Variants in CRYBG3 observed in about 807,000 individuals in gnomAD.
CRYBG3 encodes crystallin beta-gamma domain containing 3.
Under a neutral mutation model 244.2 loss-of-function variants are expected in CRYBG3, and 127 were observed. The ratio of observed to expected loss-of-function variants is 0.52; its 90% confidence interval spans 0.45 to 0.60. The LOEUF (loss-of-function observed/expected upper bound fraction) is 0.60. CRYBG3 is among the 20% of genes least tolerant of loss of function. The probability of loss-of-function intolerance (pLI) is 0.00; values close to 1 mark genes in which losing one functional copy is unlikely to be tolerated. For missense variants in CRYBG3, 3,325 were observed against 3,442.5 expected (o/e 0.97, Z 0.85); for synonymous variants, 1,132 against 1,195.8 (o/e 0.95, Z 1.10).
intron 1 of CRYBG3, among the ~76,000 whole-genome samples, chr3:97,822,606 C>G (rs532761007): frequency 2.0e-5 from 3 of 152,366 alleles, no homozygotes; most frequent in East Asian, 3.9e-4. Context: ...TCCCCCGATC[C>G]CCGCCTGGCT....
At chr3:97,857,906 G>T (rs1328871030) in intron 2 of CRYBG3, among the ~76,000 whole-genome samples, 1 of 151,742 alleles carries the variant, frequency 6.6e-6, no homozygotes, top group Non-Finnish European at 1.5e-5. Context: ...CTTTCTTATG[G>T]TTTATCTTTG....
intron 18 of CRYBG3, among the ~76,000 whole-genome samples, chr3:97,936,438 A>G (rs1466964127): frequency 6.6e-6 from 1 of 152,066 alleles, no homozygotes; most frequent in Non-Finnish European, 1.5e-5. Context: ...CTCTAGGGGC[A>G]GGAGTGTGAT....
At chr3:97,914,967 G>A (rs1559742609) in intron 16 of CRYBG3, among the ~76,000 whole-genome samples, 1 of 152,052 alleles carries the variant, frequency 6.6e-6, no homozygotes, top group Non-Finnish European at 1.5e-5. Flanking sequence ...GATGAATGCT[G>A]TATTGAAGAT....
At chr3:97,854,537 T>A (rs1416761746) in intron 2 of CRYBG3, among the ~76,000 whole-genome samples, 1 of 152,112 alleles carries the variant, frequency 6.6e-6, no homozygotes, top group East Asian at 1.9e-4. Context: ...AGCAGTGTTT[T>A]GTAGTTTTCT....
rs1363679064 is a variant in CRYBG3, at chr3:97,877,782, A to G, written c.6588A>G (p.Ser2196=). The stretch of plus-strand genomic sequence containing the variant: ...AGAGCGTTGGAATTTCTAAGAATTC[A>G]TATGTGATGCCAAATGAACCTACTA... ...DQESVGISKN[S]YVMPNEPTTS... Residue 2196 remains serine (S), a synonymous_variant, in exon 4 of 22, where the codon TCA becomes TCG. Transcript: ENST00000389622. 6.2e-7 allele frequency: 1 copy of G among 1,614,022 alleles called. No homozygotes were observed. The highest frequency in any genetic ancestry group is 8.5e-7 in the Non-Finnish European group (1 of 1,180,016).
chr3:97,934,786 A>G (rs2040141304), intron 18 of CRYBG3, among the ~76,000 whole-genome samples: 1 of 152,094 alleles, frequency 6.6e-6, no homozygotes. Flanking sequence ...TAAGCATAAG[A>G]TTCCAATATA....
chr3:97,904,744 T>A (rs896980606), intron 15 of CRYBG3, among the ~76,000 whole-genome samples: 2 of 151,414 alleles, frequency 1.3e-5, no homozygotes, highest in Non-Finnish European at 2.9e-5. Context: ...ATCTTTTTTT[T>A]ATTATTATTA....
chr3:97,941,429 A>G, intron 20 of CRYBG3, 123 bp downstream of exon 20: 1 of 617,776 alleles, frequency 1.6e-6, no homozygotes, highest in Non-Finnish European at 2.7e-6. Flanking sequence ...GGTGTTGATT[A>G]TAAAAATACT....
chr3:97,885,175 G>T (rs1017337086), intron 7 of CRYBG3, among the ~76,000 whole-genome samples: 5 of 152,034 alleles, frequency 3.3e-5, no homozygotes, highest in Non-Finnish European at 5.9e-5. Flanking sequence ...TACTTTAAAG[G>T]ATATTTTAGA....
chr3:97,874,603 T>A lies in CRYBG3; in HGVS notation c.3409T>A (p.Ser1137Thr). The change falls in exon 4 of 22, where the codon TCC (serine) becomes ACC (threonine). Residue 1137 changes from serine to threonine, a missense_variant. By Grantham distance (58) the Ser-to-Thr change is moderately conservative. Around this residue, in one of 4 missense-constraint regions of CRYBG3, gnomAD observed 1,526 missense variants for 1,443.2 expected, o/e 1.06. Transcript: ENST00000389622. The part of the protein sequence containing the change: ...EHFGIYTGKI[S>T]IDFPTAAQFD... The stretch of plus-strand genomic sequence containing the variant: ...TTTTGGGATTTATACTGGGAAGATA[T>A]CCATTGATTTCCCAACTGCTGCCCA... 2 of 1,536,004 alleles carry A rather than the reference T, an allele frequency of 1.3e-6. No homozygotes were observed. The highest frequency in any genetic ancestry group is 1.7e-6 in the Non-Finnish European group (2 of 1,146,838).
intron 2 of CRYBG3, among the ~76,000 whole-genome samples, chr3:97,846,970 C>T (rs1048837804): frequency 9.2e-5 from 14 of 152,206 alleles, no homozygotes; most frequent in Non-Finnish European, 1.6e-4. Flanking sequence ...ATGGCACCAA[C>T]ATCTGCTCGG....
chr3:97,943,456 A>T lies in CRYBG3; in HGVS notation c.*142A>T. 4.8e-6 allele frequency: 3 copies of T among 625,400 alleles called. No individual in the cohort carries two copies. The highest frequency in any genetic ancestry group is 8.4e-6 in the Non-Finnish European group (3 of 357,274). The allele number at this position is 625,400 out of a possible 1,614,324, so 38.7% of individuals were successfully genotyped here. A position where few individuals can be genotyped will look rare whatever the true frequency, so the allele number is the denominator to read the frequency against. On this transcript the variant is annotated 3_prime_UTR_variant, in exon 22 of 22. Coordinates refer to ENST00000389622, the MANE Select transcript of CRYBG3 (RefSeq NM_153605.4). ...GAATGAACATTTTCTCCAGCCTCTGAGACTATCGCTCTTAACCATGGAAAA... is the reference window on the plus strand; with the variant it reads ...GAATGAACATTTTCTCCAGCCTCTGTGACTATCGCTCTTAACCATGGAAAA...
chr3:97,829,450 T>G (rs1478467647), intron 1 of CRYBG3, among the ~76,000 whole-genome samples: 1 of 152,190 alleles, frequency 6.6e-6, no homozygotes, highest in East Asian at 1.9e-4. Flanking sequence ...GTTATTAACC[T>G]CAGAGTCTTT....
At chr3:97,837,775 A>G (rs548595093) in intron 1 of CRYBG3, among the ~76,000 whole-genome samples, 12 of 152,270 alleles carry the variant, frequency 7.9e-5, no homozygotes, top group Admixed American at 3.3e-4. Context: ...CCTCTCTCGA[A>G]ATGGCAAGAA....
intron 15 of CRYBG3, among the ~76,000 whole-genome samples, chr3:97,911,343 C>T (rs141230757): frequency 9.7e-4 from 148 of 152,184 alleles, no homozygotes; most frequent in African/African-American, 1.2e-3. Context: ...GAAATTTTTA[C>T]GGGCTCTTTA....
chr3:97,904,005 T>A (rs2039735138), intron 15 of CRYBG3, among the ~76,000 whole-genome samples: 1 of 152,218 alleles, frequency 6.6e-6, no homozygotes, highest in Non-Finnish European at 1.5e-5. Context: ...GCCTCGGTTT[T>A]AAGCAACCTG....
At position 97,872,229 on chromosome 3, in the gene CRYBG3, G is replaced by A; in HGVS notation, c.1035G>A (p.Arg345=). ...KNAWGSIERN[R]SSPSSVTNSS... Reference sequence around the variant, plus strand: ...CTTGGGGGAGTATTGAGAGAAATAGGTCATCCCCTTCTTCTGTGACTAACT... The same window carrying A: ...CTTGGGGGAGTATTGAGAGAAATAGATCATCCCCTTCTTCTGTGACTAACT... The change falls in exon 4 of 22, where the codon AGG becomes AGA. Residue 345 remains arginine, a synonymous_variant. Transcript: ENST00000389622. 1 of 1,535,752 alleles carries A rather than the reference G, an allele frequency of 6.5e-7. No homozygotes were observed. Among genetic ancestry groups the A allele is most frequent in the Non-Finnish European group, 8.7e-7 (1 of 1,146,696 alleles).
intron 1 of CRYBG3, chr3:97,836,877 A>C (rs1386280651): frequency 6.6e-6 from 1 of 152,160 alleles, no homozygotes; most frequent in African/African-American, 2.4e-5. Context: ...AGTCTTTCTC[A>C]TCTTTTACCA....
At chr3:97,850,545 A>G (rs2038970037) in intron 2 of CRYBG3, among the ~76,000 whole-genome samples, 1 of 152,180 alleles carries the variant, frequency 6.6e-6, no homozygotes, top group African/African-American at 2.4e-5. Context: ...CTGATGTGTG[A>G]TGATATAAAA....
Sources: gnomAD v4.1 joint callset for allele counts (sites outside exome capture counted in the v4.1 genomes callset) on GRCh38, gnomAD v4.1.1 for gene constraint, gnomAD v4.1.1 regional missense constraint, MANE v1.5 for transcripts, NCBI Gene and HGNC (gene_info 2026-07-23, HGNC 2026-07-21) for gene names.